The following NTM variants were observed in gnomAD, a reference collection of about 807,000 sequenced individuals.
NTM encodes the protein neurotrimin.
A neutral mutation model predicts 42.1 loss-of-function variants in NTM; 13 were observed. The ratio of observed to expected loss-of-function variants is 0.31; its 90% CI spans 0.20 to 0.49. The LOEUF is 0.49. Among genes scored for constraint, NTM ranks in the 20% least tolerant of loss-of-function variants. NTM has a pLI of 0.99. For missense variants in NTM, 373 were observed against 452.8 expected (o/e 0.82, Z 1.60); for synonymous variants, 187 against 179.2 (o/e 1.04, Z -0.35).
chr11:132,102,308 G>A (rs117155176), intron 2 of NTM, among the ~76,000 whole-genome samples: 4,264 of 152,294 alleles, frequency 0.028, 81 homozygotes, highest in Middle Eastern at 0.11. Context: ...GGGCTACGTG[G>A]TTTTTCGTTC....
intron 2 of NTM, among the ~76,000 whole-genome samples, chr11:132,028,632 C>A (rs1015515825): frequency 4.6e-5 from 7 of 152,074 alleles, no homozygotes; most frequent in Non-Finnish European, 5.9e-5. Flanking sequence ...GCCCCTGCGC[C>A]GTGAGCTTCA....
At chr11:132,308,439 C>A (rs2095170407) in intron 5 of NTM, among the ~76,000 whole-genome samples, 1 of 152,088 alleles carries the variant, frequency 6.6e-6, no homozygotes, top group South Asian at 2.1e-4. Context: ...CCTTTCTCAG[C>A]CTTCCAGATT....
rs541939322 is a variant in NTM at position 131,749,402 on chromosome 11, G to A, written c.83-162162G>A. On this transcript the variant is annotated intron_variant, in intron 1 of 8. Coordinates refer to ENST00000683400, the MANE Select transcript of NTM (RefSeq NM_001352005.2). ...CTCAGAGCTGTGTCTGGCACAGAGTGAGCATCTAAAAATGGCAAGAAGAAT... is the reference window on the plus strand; with the variant it reads ...CTCAGAGCTGTGTCTGGCACAGAGTAAGCATCTAAAAATGGCAAGAAGAAT... Among the ~76,000 whole-genome samples the A allele has an allele frequency of 1.3e-4, 20 of 152,312 alleles. 1 individual carries two copies. The highest frequency in any genetic ancestry group is 8.3e-4 in the South Asian group (4 of 4,816).
At chr11:132,020,443 A>T (rs996304895) in intron 2 of NTM, among the ~76,000 whole-genome samples, 4 of 99,944 alleles carry the variant, frequency 4.0e-5, no homozygotes, top group Non-Finnish European at 1.1e-4. Context: ...TTTGTATTAA[A>T]TAAATATAGA....
intron 1 of NTM, among the ~76,000 whole-genome samples, chr11:131,637,104 G>A (rs2064496647): frequency 6.6e-6 from 1 of 151,956 alleles, no homozygotes; most frequent in Admixed American, 6.6e-5. Context: ...TGCCAACCTG[G>A]GTACACAAGC....
At chr11:131,842,159 A>G (rs114217526) in intron 1 of NTM, among the ~76,000 whole-genome samples, 2,774 of 152,268 alleles carry the variant, frequency 0.018, 81 homozygotes, top group African/African-American at 0.063. Context: ...GTGAGCCACA[A>G]GGTGGTTTTA....
At chr11:131,816,871 ACGTTAATTAAAT>A (rs2092975047) in intron 1 of NTM, among the ~76,000 whole-genome samples, 1 of 152,168 alleles carries the variant, frequency 6.6e-6, no homozygotes, top group Non-Finnish European at 1.5e-5. Context: ...CACTCAACGC[ACGTTAATTAAAT>A]AAATGTTAAA....
At chr11:132,278,800 C>G (rs2093846476) in intron 4 of NTM, among the ~76,000 whole-genome samples, 2 of 142,576 alleles carry the variant, frequency 1.4e-5, no homozygotes, top group Non-Finnish European at 3.0e-5. Context: ...GCTTAAATGT[C>G]AGTAATCTCC....
At chr11:132,138,615 T>TATC (rs139186944) in intron 2 of NTM, among the ~76,000 whole-genome samples, 9,822 of 110,080 alleles carry the variant, frequency 0.089, 390 homozygotes, top group Middle Eastern at 0.11. Flanking sequence ...TCTATCTATC[T>TATC]ATCTATTCTA....
chr11:131,816,857 T>C (rs1181431860), intron 1 of NTM, among the ~76,000 whole-genome samples: 1 of 140,994 alleles, frequency 7.1e-6, no homozygotes, highest in Non-Finnish European at 1.6e-5. Flanking sequence ...CCTAAAACAC[T>C]GGGCACTCAA....
At chr11:132,059,966 C>T (rs2080375694) in intron 2 of NTM, among the ~76,000 whole-genome samples, 2 of 152,104 alleles carry the variant, frequency 1.3e-5, no homozygotes, top group African/African-American at 2.4e-5. Context: ...CCTATTTCTT[C>T]CAGATTAGAG....
rs1565550440 is a variant in NTM at position 131,789,476 on chromosome 11, AAGAAGAAGAAGAAGAGGAAAGAAGAAG to A, written c.83-122086_83-122060del. 1.5e-3 allele frequency among the ~76,000 whole-genome samples: 19 copies of A among 12,632 alleles called. 6 individuals carry two copies. Among genetic ancestry groups the A allele is most frequent in the East Asian group, 1.8e-3 (1 of 558 alleles). The allele number at this position is 12,632 out of a possible 152,430, so 8.3% of individuals were successfully genotyped here. On this transcript the variant is annotated intron_variant, in intron 1 of 8. Transcript: ENST00000683400. ...GAAGAAGAAGAAGAAGAAGAAGAAG[AAGAAGAAGAAGAAGAGGAAAGAAGAAG>A]AAGAAGAAGAAGAAGAAGAAGAAGA...
chr11:131,560,038 A>G (rs1158558870), intron 1 of NTM, among the ~76,000 whole-genome samples: 4 of 152,354 alleles, frequency 2.6e-5, no homozygotes, highest in African/African-American at 9.6e-5. Flanking sequence ...GGTGCTATTT[A>G]AAACAGGAAA....
chr11:132,069,729 T>TCACAGGTTAGTTAACACGTCA (rs1444514715), intron 2 of NTM, among the ~76,000 whole-genome samples: 1 of 149,100 alleles, frequency 6.7e-6, no homozygotes, highest in Admixed American at 6.6e-5. Context: ...ACACTGACCA[T>TCACAGGTTAGTTAACACGTCA]CACAGGTTAG....
At chr11:132,044,275 A>G (rs2077672932) in intron 2 of NTM, among the ~76,000 whole-genome samples, 1 of 152,126 alleles carries the variant, frequency 6.6e-6, no homozygotes. Flanking sequence ...ACCTCTGCCA[A>G]TAACAGGGCT....
intron 2 of NTM, among the ~76,000 whole-genome samples, chr11:132,057,642 C>A (rs779865363): frequency 6.6e-6 from 1 of 152,184 alleles, no homozygotes; most frequent in Non-Finnish European, 1.5e-5. Context: ...CCTGTCTTCT[C>A]CTTCATGGTC....
intron 4 of NTM, among the ~76,000 whole-genome samples, chr11:132,233,462 G>C (rs1258862928): frequency 6.6e-6 from 1 of 152,216 alleles, no homozygotes; most frequent in Non-Finnish European, 1.5e-5. Context: ...GGGATCAGCA[G>C]ATTAAGGCAG....
chr11:131,848,756 C>T (rs1378466185), intron 1 of NTM, among the ~76,000 whole-genome samples: 3 of 152,198 alleles, frequency 2.0e-5, no homozygotes. Flanking sequence ...CCCCAAATCG[C>T]ACACCTAGGA....
chr11:131,876,703 A>G (rs1211579295), intron 1 of NTM, among the ~76,000 whole-genome samples: 1 of 152,224 alleles, frequency 6.6e-6, no homozygotes, highest in Non-Finnish European at 1.5e-5. Context: ...GAGAGAGGCC[A>G]GGTTATATGA....
Sources: gnomAD v4.1 joint callset for allele counts (sites outside exome capture counted in the v4.1 genomes callset) on GRCh38, gnomAD v4.1.1 for gene constraint, MANE v1.5 for transcripts, NCBI Gene and HGNC (gene_info 2026-07-23, HGNC 2026-07-21) for gene names.